CNTNAP4: variants seen among roughly 807,000 people sequenced by gnomAD.
CNTNAP4 encodes the protein contactin-associated protein-like 4.
In CNTNAP4, 98 loss-of-function variants were observed where a neutral mutation model predicts 148.4. The observed-to-expected ratio is 0.66, with a 90% CI of 0.56 to 0.78. The LOEUF (loss-of-function observed/expected upper bound fraction) is 0.78. CNTNAP4 is among the 30% of genes least tolerant of loss of function. CNTNAP4 has a pLI of 0.00. For missense variants in CNTNAP4, 1,935 were observed against 1,565.6 expected (o/e 1.24, Z -3.98); for synonymous variants, 730 against 565.1 (o/e 1.29, Z -4.14).
chr16:76,496,600 A>G (rs2082410500), intron 14 of CNTNAP4, among the ~76,000 whole-genome samples: 1 of 152,174 alleles, frequency 6.6e-6, no homozygotes, highest in South Asian at 2.1e-4. Flanking sequence ...TAGGATTGAA[A>G]ATTAAGCAAA....
intron 21 of CNTNAP4, among the ~76,000 whole-genome samples, chr16:76,547,264 C>G (rs1212870498): frequency 1.3e-5 from 2 of 152,078 alleles, no homozygotes; most frequent in Non-Finnish European, 2.9e-5. Flanking sequence ...CACAATTCCA[C>G]CACATGGGGA....
chr16:76,351,320 T>G (rs73625343), intron 2 of CNTNAP4, among the ~76,000 whole-genome samples: 2,425 of 151,998 alleles, frequency 0.016, 63 homozygotes, highest in African/African-American at 0.055. Flanking sequence ...CAGCTGCAGT[T>G]ACGTTTGCAT....
At position 76,389,994 on chromosome 16, in the gene CNTNAP4, A is replaced by G. The variant is rs537422489; in HGVS notation, c.390+34483A>G. ...TGAGACAGAGAAGGGAAAGTAGTTA[A>G]TAAGGTTTGCAATTTGAGCAACTGG... On this transcript the variant is annotated intron_variant, in intron 3 of 23. Transcript: ENST00000611870. Among the ~76,000 whole-genome samples, 26 of 152,310 alleles carry G rather than the reference A, an allele frequency of 1.7e-4. 1 individual carries two copies. The South Asian group carries it at 5.4e-3, about 32-fold the overall frequency.
Position 76,466,439 on chromosome 16 carries a change from T to C in CNTNAP4, c.1484-913T>C, listed in dbSNP as rs370999451. On this transcript the variant is annotated intron_variant, in intron 9 of 23. Coordinates refer to ENST00000611870, the MANE Select transcript of CNTNAP4 (RefSeq NM_033401.5). Reference sequence around the variant, plus strand: ...TTTGTAAAATGAAGGATAAATGCTTTAGAAGATGAATACCCCATTCTTCAT... The same window carrying C: ...TTTGTAAAATGAAGGATAAATGCTTCAGAAGATGAATACCCCATTCTTCAT... Among the ~76,000 whole-genome samples the C allele has an allele frequency of 2.6e-5, 4 of 152,284 alleles. No individual in the cohort carries two copies. In the East Asian group the frequency reaches 5.8e-4, roughly 22 times the overall value.
At chr16:76,462,584 T>G (rs553597526) in intron 9 of CNTNAP4, among the ~76,000 whole-genome samples, 1 of 152,294 alleles carries the variant, frequency 6.6e-6, no homozygotes, top group South Asian at 2.1e-4. Flanking sequence ...TTAAGCATAA[T>G]GCACTGATAC....
intron 20 of CNTNAP4, among the ~76,000 whole-genome samples, chr16:76,540,280 A>G (rs925605095): frequency 9.2e-5 from 14 of 152,114 alleles, no homozygotes; most frequent in Non-Finnish European, 1.5e-5. Flanking sequence ...AAGCACTAAT[A>G]ATTTTTTGGT....
At chr16:76,374,742 C>CCAT (rs1555536524) in intron 3 of CNTNAP4, among the ~76,000 whole-genome samples, 5 of 131,616 alleles carry the variant, frequency 3.8e-5, no homozygotes, top group African/African-American at 1.4e-4. Flanking sequence ...GACTATGACA[C>CCAT]TATTATTATT....
Position 76,414,840 on chromosome 16 carries a change from G to A in CNTNAP4, c.391-12612G>A, listed in dbSNP as rs575905961. ...TCACTCTAATGTGTATAGGATCATC[G>A]TAAGATGCTCTTTTGCATTACTGAT... On this transcript the variant is annotated intron_variant, in intron 3 of 23. Transcript: ENST00000611870. 2.0e-5 allele frequency among the ~76,000 whole-genome samples: 3 copies of A among 151,192 alleles called. No individual in the cohort carries two copies. In the East Asian group the frequency reaches 5.8e-4, roughly 29 times the overall value.
intron 3 of CNTNAP4, among the ~76,000 whole-genome samples, chr16:76,374,842 C>A (rs374782302): frequency 4.0e-5 from 6 of 151,670 alleles, no homozygotes; most frequent in East Asian, 2.0e-4. Flanking sequence ...AATCTCGGCT[C>A]ACAGCAACCT....
intron 3 of CNTNAP4, among the ~76,000 whole-genome samples, chr16:76,409,466 C>G (rs983241560): frequency 5.3e-5 from 8 of 151,926 alleles, no homozygotes; most frequent in Admixed American, 1.3e-4. Flanking sequence ...ATCAACCAAT[C>G]TAAACTGCGT....
Position 76,539,700 on chromosome 16 carries a change from C to T in CNTNAP4, c.3221-19C>T, listed in dbSNP as rs1443594428. On this transcript the variant is annotated intron_variant, in intron 19 of 23. Coordinates refer to ENST00000611870, the MANE Select transcript of CNTNAP4 (RefSeq NM_033401.5). ...AGTACGATTTTTACTAAAAGAATCA[C>T]AATTTTTCCCCACTCTAGGAAGTTT... is the stretch of plus-strand genomic sequence containing the variant. 6.4e-7 allele frequency: 1 copy of T among 1,562,480 alleles called. No homozygotes were observed. The highest frequency in any genetic ancestry group is 1.2e-5 in the South Asian group (1 of 81,802).
intron 3 of CNTNAP4, among the ~76,000 whole-genome samples, chr16:76,379,701 T>G (rs1234381649): frequency 1.3e-5 from 2 of 152,218 alleles, no homozygotes; most frequent in African/African-American, 4.8e-5. Flanking sequence ...TGACTTTCTA[T>G]ATTCTGCTTC....
intron 3 of CNTNAP4, among the ~76,000 whole-genome samples, chr16:76,422,657 T>A (rs2145009108): frequency 6.7e-6 from 1 of 149,004 alleles, no homozygotes; most frequent in Middle Eastern, 3.4e-3. Flanking sequence ...TGGAATTAAA[T>A]CCTTGCTCTG....
At chr16:76,363,421 C>G (rs2013687456) in intron 3 of CNTNAP4, among the ~76,000 whole-genome samples, 1 of 152,004 alleles carries the variant, frequency 6.6e-6, no homozygotes, top group Non-Finnish European at 1.5e-5. Context: ...CTTGGCCTCC[C>G]AAAGTGCTGA....
chr16:76,398,149 G>A (rs1049591607), intron 3 of CNTNAP4, among the ~76,000 whole-genome samples: 1 of 150,762 alleles, frequency 6.6e-6, no homozygotes, highest in Non-Finnish European at 1.5e-5. Flanking sequence ...GAAAGAGATA[G>A]GCCAGAGACT....
At chr16:76,453,513 T>C (rs1253417993) in intron 8 of CNTNAP4, among the ~76,000 whole-genome samples, 1 of 152,182 alleles carries the variant, frequency 6.6e-6, no homozygotes, top group African/African-American at 2.4e-5. Context: ...CATTTTTACG[T>C]ATGTACAATG....
chr16:76,304,138 C>T (rs1205431911), intron 1 of CNTNAP4, among the ~76,000 whole-genome samples: 3 of 151,998 alleles, frequency 2.0e-5, no homozygotes, highest in African/African-American at 7.2e-5. Flanking sequence ...CTCAGAAATC[C>T]ATGTTTTGTT....
chr16:76,544,272 G>A (rs7194837), intron 21 of CNTNAP4, among the ~76,000 whole-genome samples: 33,515 of 150,608 alleles, frequency 0.22, 3,964 homozygotes, highest in African/African-American at 0.31. Flanking sequence ...GTATATAACT[G>A]TCCCATGCTT....
At chr16:76,409,722 T>A (rs541104138) in intron 3 of CNTNAP4, among the ~76,000 whole-genome samples, 1 of 152,148 alleles carries the variant, frequency 6.6e-6, no homozygotes, top group East Asian at 1.9e-4. Context: ...TTATTTGGCT[T>A]TATTTCCCAA....
Sources: allele counts gnomAD v4.1 joint callset (sites outside exome capture counted in the v4.1 genomes callset), GRCh38; gene constraint gnomAD v4.1.1; transcripts MANE v1.5; gene names NCBI Gene and HGNC (gene_info 2026-07-23, HGNC 2026-07-21).